RBM46: variants seen among roughly 807,000 people sequenced by gnomAD.
The protein encoded by RBM46 is RNA binding motif protein 46.
In RBM46, 12 loss-of-function variants were observed where a neutral mutation model predicts 43.3. The observed-to-expected ratio is 0.28, with a 90% CI of 0.18 to 0.45. RBM46 has a LOEUF of 0.45. Ranked by LOEUF, RBM46 falls within the 20% of genes least tolerant of loss-of-function variation. The pLI is 1.00. For missense variants in RBM46, 412 were observed against 639.1 expected (o/e 0.64, Z 3.83); for synonymous variants, 205 against 207.6 (o/e 0.99, Z 0.11).
chr4:154,793,110 A>T (rs1054183497), intron 1 of RBM46, among the ~76,000 whole-genome samples: 1 of 152,204 alleles, frequency 6.6e-6, no homozygotes, highest in African/African-American at 2.4e-5. Flanking sequence ...AACAACACAC[A>T]GTTGATATGA....
Position 154,799,377 on chromosome 4 carries a change from T to C in RBM46, c.1215T>C (p.Asn405=). The C allele has an allele frequency of 6.2e-7, 1 of 1,614,074 alleles. No homozygotes were observed. Among genetic ancestry groups the C allele is most frequent in the Admixed American group, 1.7e-5 (1 of 60,008 alleles). Residue 405 remains asparagine, a synonymous_variant, in exon 4 of 5, where the codon AAT becomes AAC. Transcript: ENST00000281722. ...VMHLDYYCNK[N]NWAPPEYYLY... Reference sequence around the variant, plus strand: ...ATTTGGATTATTACTGCAACAAAAATAACTGGGCACCACCAGAATATTATT... The same window carrying C: ...ATTTGGATTATTACTGCAACAAAAACAACTGGGCACCACCAGAATATTATT...
chr4:154,801,089 C>T (rs184233968), intron 4 of RBM46, among the ~76,000 whole-genome samples: 129 of 151,940 alleles, frequency 8.5e-4, no homozygotes, highest in African/African-American at 2.7e-3. Context: ...AGCAATTCTC[C>T]TGCCTCAGCC....
At chr4:154,799,755 CTTTT>C (rs35629123) in intron 4 of RBM46, among the ~76,000 whole-genome samples, 191 bp downstream of exon 4, 6 of 114,648 alleles carry the variant, frequency 5.2e-5, no homozygotes, top group Non-Finnish European at 8.7e-5. Flanking sequence ...TTTAGCTTTT[CTTTT>C]TTTTTTTTTT....
At chr4:154,812,121 A>G (rs186690773) in intron 4 of RBM46, among the ~76,000 whole-genome samples, 88 of 151,768 alleles carry the variant, frequency 5.8e-4, no homozygotes, top group Middle Eastern at 6.8e-3. Context: ...TCCTTTGTAA[A>G]TTCACATGAT....
At chr4:154,819,270 T>C (rs1735611984) in intron 4 of RBM46, among the ~76,000 whole-genome samples, 1 of 152,240 alleles carries the variant, frequency 6.6e-6, no homozygotes, top group Non-Finnish European at 1.5e-5. Flanking sequence ...TAGTCTCTGT[T>C]AAAGTTTGTC....
In RBM46 at chr4:154,827,099, A is replaced by G. The variant is rs1736003088; in HGVS notation, c.1403-769A>G. The G allele has an allele frequency of 1.1e-5, 12 of 1,075,926 alleles. No individual in the cohort carries two copies. The South Asian group carries it at 5.0e-4, about 45-fold the overall frequency. The allele number at this position is 1,075,926 out of a possible 1,614,324, so 66.6% of individuals were successfully genotyped here. On this transcript the variant is annotated intron_variant, in intron 4 of 4. Transcript: ENST00000281722. ...CTGTAATATACACACACACATATAA[A>G]TGTTGCAGTTAATGAAACAGGAAAT...
At chr4:154,824,976 T>C (rs1440714844) in intron 4 of RBM46, among the ~76,000 whole-genome samples, 1 of 152,142 alleles carries the variant, frequency 6.6e-6, no homozygotes, top group Non-Finnish European at 1.5e-5. Flanking sequence ...TATACAATTA[T>C]CAAAACTCAT....
intron 4 of RBM46, among the ~76,000 whole-genome samples, chr4:154,800,605 C>T (rs1488163249): frequency 6.6e-6 from 1 of 151,626 alleles, no homozygotes; most frequent in Admixed American, 6.6e-5. Context: ...TTAGGTTAGC[C>T]TCCCCCCTCC....
At chr4:154,817,331 CTTTTTT>C (rs58860836) in intron 4 of RBM46, among the ~76,000 whole-genome samples, 6 of 126,414 alleles carry the variant, frequency 4.7e-5, no homozygotes, top group African/African-American at 3.0e-5. Context: ...TTTTCTCTTT[CTTTTTT>C]TTTTTTTTTT....
In RBM46 at chr4:154,798,202, C is replaced by T; in HGVS notation, c.543C>T (p.Thr181=). The T allele has an allele frequency of 1.2e-6, 2 of 1,611,808 alleles. No homozygotes were observed. Among genetic ancestry groups the T allele is most frequent in the South Asian group, 1.1e-5 (1 of 90,302 alleles). ...VIVYPSATDK[T]KNRGFAFVEY... is the part of the protein sequence containing the mutation. Reference sequence around the variant, plus strand: ...TTTATCCAAGTGCAACTGATAAGACCAAAAATCGTGGTTTTGCATTTGTGG... The same window carrying T: ...TTTATCCAAGTGCAACTGATAAGACTAAAAATCGTGGTTTTGCATTTGTGG... The change falls in exon 3 of 5, where the codon ACC becomes ACT. Residue 181 remains threonine, a synonymous_variant. Transcript: ENST00000281722.
In RBM46 at chr4:154,828,233, T is replaced by C. The variant is rs892866675; in HGVS notation, c.*166T>C. ...TATAATTCAGAATAACATGGAGTTGTAGAATTTATAAAAATGCAAAGTTTA... is the reference window on the plus strand; with the variant it reads ...TATAATTCAGAATAACATGGAGTTGCAGAATTTATAAAAATGCAAAGTTTA... On this transcript the variant is annotated 3_prime_UTR_variant, in exon 5 of 5. Transcript: ENST00000281722. 6 of 599,588 alleles carry C rather than the reference T, an allele frequency of 1.0e-5. No homozygotes were observed. The highest frequency in any genetic ancestry group is 9.3e-5 in the African/African-American group (5 of 53,786). The allele number at this position is 599,588 out of a possible 1,614,324, so 37.1% of individuals were successfully genotyped here. A position where few individuals can be genotyped will look rare whatever the true frequency, so the allele number is the denominator to read the frequency against.
chr4:154,785,409 TA>T (rs35749811), intron 1 of RBM46, among the ~76,000 whole-genome samples: 38,535 of 145,784 alleles, frequency 0.26, 4,944 homozygotes, highest in Middle Eastern at 0.33. Flanking sequence ...GAATTGTAGT[TA>T]AAAAAAAAAA....
rs144489467 is a variant in RBM46, at chr4:154,808,413, T to C, written c.1402+8849T>C. Among the ~76,000 whole-genome samples the C allele has an allele frequency of 6.7e-3, 1,026 of 152,168 alleles. 13 individuals carry two copies. Among genetic ancestry groups the C allele is most frequent in the African/African-American group, 0.024 (989 of 41,564 alleles). ...CTTTTCTTTAATCCTGTTTTGTATA[T>C]GGATTTTTGTAAGACCGAAGCCCAT... On this transcript the variant is annotated intron_variant, in intron 4 of 4. Transcript: ENST00000281722.
At chr4:154,791,083 C>CA (rs1162824126) in intron 1 of RBM46, among the ~76,000 whole-genome samples, 2 of 152,108 alleles carry the variant, frequency 1.3e-5, no homozygotes, top group East Asian at 3.9e-4. Flanking sequence ...ATATAAGAAA[C>CA]AGTTAAGTAG....
chr4:154,818,764 G>T (rs1439978729), intron 4 of RBM46, among the ~76,000 whole-genome samples: 1 of 151,816 alleles, frequency 6.6e-6, no homozygotes, highest in Non-Finnish European at 1.5e-5. Flanking sequence ...CTTCTGTATT[G>T]TCCATCCTTT....
chr4:154,819,923 A>G (rs1735647493), intron 4 of RBM46, among the ~76,000 whole-genome samples: 1 of 152,072 alleles, frequency 6.6e-6, no homozygotes, highest in Non-Finnish European at 1.5e-5. Context: ...ATCTTTTTTA[A>G]GACAGCAAGG....
At chr4:154,817,319 G>A (rs1256032700) in intron 4 of RBM46, among the ~76,000 whole-genome samples, 1 of 138,266 alleles carries the variant, frequency 7.2e-6, no homozygotes, top group Admixed American at 7.9e-5. Flanking sequence ...CATACATTTG[G>A]TTTTTCTCTT....
chr4:154,828,172 T>G lies in RBM46; in HGVS notation c.*105T>G. ...AGAATCGGGTTTGCATATTTGGTTT[T>G]AAAAAGGTATTTATTCCAAAGTACT... On this transcript the variant is annotated 3_prime_UTR_variant, in exon 5 of 5. Coordinates refer to ENST00000281722, the MANE Select transcript of RBM46 (RefSeq NM_144979.5). The G allele has an allele frequency of 1.2e-6, 1 of 833,090 alleles. No individual in the cohort carries two copies. The highest frequency in any genetic ancestry group is 2.6e-5 in the East Asian group (1 of 38,720). 51.6% of individuals were successfully genotyped at this position (833,090 alleles called of 1,614,324 possible). A position where few individuals can be genotyped will look rare whatever the true frequency, so the allele number is the denominator to read the frequency against.
At chr4:154,821,646 C>T (rs1025562171) in intron 4 of RBM46, among the ~76,000 whole-genome samples, 11 of 151,596 alleles carry the variant, frequency 7.3e-5, no homozygotes, top group Non-Finnish European at 1.6e-4. Context: ...ATTCTTGACC[C>T]TCTTTGTGTT....
Sources: gnomAD v4.1 joint callset for allele counts (sites outside exome capture counted in the v4.1 genomes callset) on GRCh38, gnomAD v4.1.1 for gene constraint, MANE v1.5 for transcripts, NCBI Gene and HGNC (gene_info 2026-07-23, HGNC 2026-07-21) for gene names.